The following ATP6V0A1 variants were observed in gnomAD, a reference collection of about 807,000 sequenced individuals.
ATP6V0A1 encodes the protein V-type proton ATPase 116 kDa subunit a 1.
ATP6V0A1 carries 43 observed loss-of-function variants against 105.4 expected under a neutral mutation model. That is an observed-to-expected ratio of 0.41 (90% CI 0.32 to 0.53). ATP6V0A1 has a LOEUF of 0.53. ATP6V0A1 is among the 20% of genes least tolerant of loss of function. ATP6V0A1 has a pLI of 0.30. For synonymous variants in ATP6V0A1, 362 were observed against 372.8 expected (o/e 0.97, Z 0.33); for missense variants, 676 against 1,051.1 (o/e 0.64, Z 4.93).
At chr17:42,519,828 T>C (rs2092766475) in intron 21 of ATP6V0A1, 1 of 152,382 alleles carries the variant, frequency 6.6e-6, no homozygotes, top group Admixed American at 6.5e-5. Context: ...TGACTGCTTT[T>C]ACTCCCACTC....
chr17:42,516,412 G>GCCTCCCTCCTCC (rs1262139103), intron 21 of ATP6V0A1, among the ~76,000 whole-genome samples: 1 of 151,984 alleles, frequency 6.6e-6, no homozygotes, highest in Non-Finnish European at 1.5e-5. Context: ...CTCCCTCCTG[G>GCCTCCCTCCTCC]CCTCCCTCCT....
rs2089057999 is a variant in ATP6V0A1, at chr17:42,478,522, G to A, written c.566G>A (p.Arg189Gln). 6.2e-7 allele frequency: 1 copy of A among 1,610,760 alleles called. No individual in the cohort carries two copies. Among genetic ancestry groups the A allele is most frequent in the Non-Finnish European group, 8.5e-7 (1 of 1,178,110 alleles). The part of the protein sequence containing the change: ...RIPTFERMLW[R>Q]VCRGNVFLRQ... ...CCTACTTTTGAGCGCATGCTTTGGC[G>A]GGTATGCCGGGGAAATGTGTTCCTG... Residue 189 changes from arginine (R) to glutamine (Q), a missense_variant, in exon 7 of 22, where the codon CGG (arginine) becomes CAG (glutamine). By Grantham distance (43) the Arg-to-Gln change is conservative. This residue lies in a region of ATP6V0A1 where 239 missense variants were observed against 388.4 expected (regional missense o/e 0.62). Coordinates refer to ENST00000343619, the MANE Select transcript of ATP6V0A1 (RefSeq NM_001130021.3).
At chr17:42,477,498 C>A in intron 5 of ATP6V0A1, 162 bp from the exon 6 acceptor site, 1 of 615,570 alleles carries the variant, frequency 1.6e-6, no homozygotes, top group South Asian at 2.5e-5. Context: ...CCCTATTCTT[C>A]TTGTCTTTTT....
At chr17:42,495,995 C>G (rs546131959) in intron 14 of ATP6V0A1, 4 of 251,324 alleles carry the variant, frequency 1.6e-5, no homozygotes, top group East Asian at 9.7e-5. Flanking sequence ...TCGCTTGAAC[C>G]TGGGAGGCAG....
chr17:42,517,512 A>C (rs990555619), intron 21 of ATP6V0A1, among the ~76,000 whole-genome samples: 1 of 152,132 alleles, frequency 6.6e-6, no homozygotes, highest in African/African-American at 2.4e-5. Flanking sequence ...GAGAGGAAAA[A>C]ACAGTGCAAA....
chr17:42,484,465 C>A (rs549226631), intron 9 of ATP6V0A1, among the ~76,000 whole-genome samples: 50 of 152,324 alleles, frequency 3.3e-4, no homozygotes, highest in Admixed American at 7.8e-4. Flanking sequence ...CCCACACACC[C>A]TCCTGAGGCA....
chr17:42,494,288 A>C (rs200130950), intron 11 of ATP6V0A1, 46 bp from the exon 12 acceptor site: 1 of 1,534,296 alleles, frequency 6.5e-7, no homozygotes, highest in Non-Finnish European at 8.9e-7. Context: ...TGGAATTGCT[A>C]TGGTTTAATG....
intron 2 of ATP6V0A1, among the ~76,000 whole-genome samples, chr17:42,461,640 G>A (rs942411880): frequency 5.9e-5 from 9 of 152,094 alleles, no homozygotes; most frequent in Admixed American, 2.0e-4. Flanking sequence ...GCATGGTGGC[G>A]CAGGCCTGTA....
chr17:42,488,090 C>T (rs2090286212), intron 10 of ATP6V0A1, among the ~76,000 whole-genome samples: 1 of 152,140 alleles, frequency 6.6e-6, no homozygotes, highest in Non-Finnish European at 1.5e-5. Context: ...TGGAGGAGTA[C>T]AGAGATGTAT....
rs1314742760 is a variant in ATP6V0A1, at chr17:42,501,275, C to T, written c.1975C>T (p.Arg659Cys). The change falls in exon 17 of 22, where the codon CGC (arginine) becomes TGC (cysteine). Residue 659 changes from arginine to cysteine, a missense_variant. Arg to Cys is a radical substitution (Grantham distance 180). Coordinates refer to ENST00000343619, the MANE Select transcript of ATP6V0A1 (RefSeq NM_001130021.3). ...GCTGCTGTTTAAACCATTGGTCCTTCGCCGTCAGTATTTGAGGAGAAAGCA... is the reference window on the plus strand; with the variant it reads ...GCTGCTGTTTAAACCATTGGTCCTTTGCCGTCAGTATTTGAGGAGAAAGCA... The part of the protein sequence containing the change: ...WMLLFKPLVL[R>C]RQYLRRKHLG... 8 of 1,614,010 alleles carry T rather than the reference C, an allele frequency of 5.0e-6. No homozygotes were observed. The highest frequency in any genetic ancestry group is 2.2e-5 in the East Asian group (1 of 44,878).
At chr17:42,482,940 G>T in intron 8 of ATP6V0A1, 98 bp from the exon 9 acceptor site, 26 of 549,022 alleles carry the variant, frequency 4.7e-5, no homozygotes, top group Non-Finnish European at 6.1e-5. Flanking sequence ...ACATCGGTCT[G>T]ACCTAATCCT....
intron 5 of ATP6V0A1, among the ~76,000 whole-genome samples, chr17:42,473,641 G>A (rs114556125): frequency 2.0e-4 from 30 of 152,156 alleles, no homozygotes; most frequent in African/African-American, 6.3e-4. Context: ...ATACTGTTTA[G>A]TTTACTGCTG....
chr17:42,512,969 C>G (rs1263054609), intron 19 of ATP6V0A1, among the ~76,000 whole-genome samples: 1 of 152,214 alleles, frequency 6.6e-6, no homozygotes, highest in Non-Finnish European at 1.5e-5. Context: ...AGGGAAAGTA[C>G]CTGGGGCTTC....
intron 14 of ATP6V0A1, 98 bp from the exon 15 acceptor site, chr17:42,498,826 A>G (rs2091423365): frequency 1.3e-6 from 1 of 786,168 alleles, no homozygotes; most frequent in African/African-American, 1.8e-5. Context: ...ACTCGTCTCT[A>G]AATAAATAAA....
intron 5 of ATP6V0A1, among the ~76,000 whole-genome samples, chr17:42,473,578 A>T (rs559685958): frequency 2.0e-5 from 3 of 152,308 alleles, no homozygotes; most frequent in Non-Finnish European, 2.9e-5. Flanking sequence ...TTTTAGCATT[A>T]TTTGGAGCTT....
chr17:42,465,486 CG>C (rs2086935361), intron 2 of ATP6V0A1, among the ~76,000 whole-genome samples: 1 of 151,570 alleles, frequency 6.6e-6, no homozygotes, highest in South Asian at 2.1e-4. Context: ...GATGGAGTTT[CG>C]CCATGTTGGC....
At chr17:42,462,316 C>G (rs532260948) in intron 2 of ATP6V0A1, among the ~76,000 whole-genome samples, 1 of 152,124 alleles carries the variant, frequency 6.6e-6, no homozygotes, top group Non-Finnish European at 1.5e-5. Context: ...ATTGAAACCT[C>G]TGTTTCTCTT....
At chr17:42,504,935 A>C (rs114757349) in intron 17 of ATP6V0A1, among the ~76,000 whole-genome samples, 65 of 152,276 alleles carry the variant, frequency 4.3e-4, no homozygotes, top group African/African-American at 1.5e-3. Context: ...AAAAAGACAC[A>C]TGAGGAATTG....
intron 18 of ATP6V0A1, 78 bp downstream of exon 18, chr17:42,507,705 C>A: frequency 1.8e-6 from 2 of 1,128,098 alleles, no homozygotes; most frequent in Non-Finnish European, 2.7e-6. Context: ...AGGCCTCACT[C>A]CAGTCTTCTC....
Sources: gnomAD v4.1 joint callset for allele counts (sites outside exome capture counted in the v4.1 genomes callset) on GRCh38, gnomAD v4.1.1 for gene constraint, gnomAD v4.1.1 regional missense constraint, MANE v1.5 for transcripts, NCBI Gene and HGNC (gene_info 2026-07-23, HGNC 2026-07-21) for gene names.